Variants in ADAM2 observed in about 807,000 individuals in gnomAD.
ADAM2 encodes the protein disintegrin and metalloproteinase domain-containing protein 2.
In ADAM2, 101 loss-of-function variants were observed where a neutral mutation model predicts 99.3. The observed-to-expected ratio is 1.02, with a 90% CI of 0.87 to 1.20. The LOEUF (loss-of-function observed/expected upper bound fraction) is 1.20, where lower values mean the gene tolerates loss of function less well. Among genes scored for constraint, ADAM2 ranks in the 50% most tolerant of loss-of-function variants. The pLI is 0.00. For missense variants in ADAM2, 948 were observed against 878.7 expected, an observed-to-expected ratio of 1.08 and a Z score of -1.00; for synonymous variants, 323 against 287.6, an observed-to-expected ratio of 1.12 and a Z score of -1.25.
chr8:39,836,456 A>G (rs1489521500), intron 2 of ADAM2, among the ~76,000 whole-genome samples: 1 of 152,102 alleles, frequency 6.6e-6, no homozygotes, highest in Non-Finnish European at 1.5e-5. Flanking sequence ...ATCTTAAGCT[A>G]TAATGTCTGT....
intron 7 of ADAM2, among the ~76,000 whole-genome samples, chr8:39,798,344 T>A (rs2129586193): frequency 6.6e-6 from 1 of 152,346 alleles, no homozygotes; most frequent in East Asian, 1.9e-4. Context: ...ATTACATTTA[T>A]TGATTTAGGT....
Position 39,747,901 on chromosome 8 carries a change from C to T in ADAM2, c.2015-1270G>A, listed in dbSNP as rs556226236. Among the ~76,000 whole-genome samples, 14 of 152,294 alleles carry T rather than the reference C, an allele frequency of 9.2e-5. No individual in the cohort carries two copies. In the East Asian group the frequency reaches 2.7e-3, roughly 29 times the overall value. ...TACTAAGACTTCAATAGTTTCCTGC[C>T]TTTCTGTCTTCCATGCACTATCCAA... On this transcript the variant is annotated intron_variant, in intron 18 of 20. Transcript: ENST00000265708.
chr8:39,768,529 G>T (rs1034412545), intron 12 of ADAM2, among the ~76,000 whole-genome samples: 4 of 151,990 alleles, frequency 2.6e-5, no homozygotes, highest in African/African-American at 9.7e-5. Flanking sequence ...TCTTAATTAT[G>T]TATGTTACAA....
intron 7 of ADAM2, among the ~76,000 whole-genome samples, chr8:39,803,773 A>G (rs769762735): frequency 1.3e-5 from 2 of 152,238 alleles, no homozygotes; most frequent in Non-Finnish European, 2.9e-5. Context: ...GTAAATACCG[A>G]TGACCCTTTT....
chr8:39,782,274 A>G (rs945303508), intron 10 of ADAM2, among the ~76,000 whole-genome samples: 3 of 152,192 alleles, frequency 2.0e-5, no homozygotes, highest in African/African-American at 7.2e-5. Flanking sequence ...TTAATAAAGT[A>G]GATTATAATG....
chr8:39,758,226 A>G (rs534451434), intron 15 of ADAM2, among the ~76,000 whole-genome samples: 2 of 152,262 alleles, frequency 1.3e-5, no homozygotes, highest in African/African-American at 4.8e-5. Flanking sequence ...CTTGAGAGGT[A>G]ATGAGAAGAA....
chr8:39,778,832 G>T (rs141966181), intron 10 of ADAM2, among the ~76,000 whole-genome samples: 2 of 151,972 alleles, frequency 1.3e-5, no homozygotes, highest in African/African-American at 4.8e-5. Context: ...TATTAATACT[G>T]GTACTGTTAT....
intron 15 of ADAM2, among the ~76,000 whole-genome samples, chr8:39,760,115 C>A (rs1346053180): frequency 6.6e-6 from 1 of 152,168 alleles, no homozygotes; most frequent in African/African-American, 2.4e-5. Flanking sequence ...GATCTGCCCG[C>A]CTCAGCCTCC....
chr8:39,830,824 C>A (rs960247516), intron 3 of ADAM2, among the ~76,000 whole-genome samples: 4 of 151,980 alleles, frequency 2.6e-5, no homozygotes, highest in Non-Finnish European at 5.9e-5. Context: ...TTGTTTCATC[C>A]CAGAATTTAT....
At chr8:39,804,520 G>A (rs1804357388) in intron 7 of ADAM2, among the ~76,000 whole-genome samples, 1 of 152,064 alleles carries the variant, frequency 6.6e-6, no homozygotes, top group Admixed American at 6.6e-5. Context: ...TTAAATATAA[G>A]AGTAGAGAAG....
intron 4 of ADAM2, 99 bp from the exon 5 acceptor site, chr8:39,821,761 A>T (rs971598598): frequency 3.8e-6 from 3 of 796,086 alleles, no homozygotes; most frequent in Admixed American, 2.3e-5. Flanking sequence ...TTTATGCATC[A>T]AACACTCATG....
chr8:39,776,973 A>T (rs530897325), intron 11 of ADAM2, 52 bp downstream of exon 11: 1 of 1,146,592 alleles, frequency 8.7e-7, no homozygotes, highest in South Asian at 1.4e-5. Flanking sequence ...AACTAAATAC[A>T]TTAAAATTAC....
At chr8:39,787,414 T>A (rs7822312) in intron 9 of ADAM2, among the ~76,000 whole-genome samples, 4 of 151,044 alleles carry the variant, frequency 2.6e-5, no homozygotes, top group Non-Finnish European at 5.9e-5. Flanking sequence ...CTCTATGGAC[T>A]AAAGTCTCTC....
chr8:39,829,300 A>G (rs981545856), intron 3 of ADAM2, among the ~76,000 whole-genome samples: 8 of 152,134 alleles, frequency 5.3e-5, no homozygotes, highest in Admixed American at 3.9e-4. Flanking sequence ...AAACACAAGG[A>G]GAGAAAAGGT....
chr8:39,758,424 T>C (rs1006612227), intron 15 of ADAM2, among the ~76,000 whole-genome samples: 2 of 151,862 alleles, frequency 1.3e-5, no homozygotes, highest in African/African-American at 4.8e-5. Context: ...AGATAGAAAA[T>C]GATAAGCCAA....
At chr8:39,812,624 C>T (rs1439803680) in intron 6 of ADAM2, among the ~76,000 whole-genome samples, 1 of 152,172 alleles carries the variant, frequency 6.6e-6, no homozygotes, top group Non-Finnish European at 1.5e-5. Context: ...TAGTACCGCA[C>T]ATCTACAACC....
At chr8:39,796,084 A>G (rs1803928222) in intron 7 of ADAM2, among the ~76,000 whole-genome samples, 1 of 151,990 alleles carries the variant, frequency 6.6e-6, no homozygotes, top group Non-Finnish European at 1.5e-5. Context: ...CTTCTTCTAA[A>G]AAAAAAACAG....
Position 39,777,061 on chromosome 8 carries a change from C to T in ADAM2, c.992G>A (p.Cys331Tyr), listed in dbSNP as rs1043151511. The T allele has an allele frequency of 1.3e-6, 2 of 1,596,618 alleles. No homozygotes were observed. The highest frequency in any genetic ancestry group is 1.1e-5 in the South Asian group (1 of 90,610). The change falls in exon 11 of 21, where the codon TGC becomes TAC. Residue 331 changes from cysteine (C) to tyrosine (Y), a missense_variant. Cys to Tyr is a radical substitution (Grantham distance 194, BLOSUM62 -2). Coordinates refer to ENST00000265708, the MANE Select transcript of ADAM2 (RefSeq NM_001464.5). ...ATTCATAATGCAGACAGCTCCTGAG[C>T]ACTGGCATTTGTTAATGTCATCATA... The part of the protein sequence containing the change: ...ITYDDINKCQ[C>Y]SGAVCIMNPE...
intron 7 of ADAM2, among the ~76,000 whole-genome samples, chr8:39,806,341 TAAAC>T (rs1012460164): frequency 5.9e-5 from 9 of 151,700 alleles, no homozygotes; most frequent in African/African-American, 1.2e-4. Context: ...AGCAAAGCGC[TAAAC>T]AAACAAACAA....
Sources: gnomAD v4.1 joint callset for allele counts (sites outside exome capture counted in the v4.1 genomes callset) on GRCh38, gnomAD v4.1.1 for gene constraint, MANE v1.5 for transcripts, NCBI Gene and HGNC (gene_info 2026-07-23, HGNC 2026-07-21) for gene names.